Variants in AGMO observed in about 807,000 individuals in gnomAD.
AGMO encodes the protein glyceryl-ether monooxygenase.
Under a neutral mutation model 60.2 loss-of-function variants are expected in AGMO, and 75 were observed. The ratio of observed to expected loss-of-function variants is 1.25; its 90% CI spans 1.03 to 1.51. AGMO has a LOEUF of 1.51. AGMO is among the 40% of genes most tolerant of loss of function. The probability of loss-of-function intolerance (pLI) is 0.00; values close to 1 mark genes in which losing one functional copy is unlikely to be tolerated. For missense variants in AGMO, 763 were observed against 525.5 expected, an observed-to-expected ratio of 1.45 and a Z score of -4.42; for synonymous variants, 261 against 177.1, an observed-to-expected ratio of 1.47 and a Z score of -3.76.
chr7:15,369,880 G>A (rs780057196), intron 10 of AGMO, among the ~76,000 whole-genome samples: 5 of 151,966 alleles, frequency 3.3e-5, no homozygotes, highest in African/African-American at 1.2e-4. Context: ...ATGTTATTTT[G>A]GGAAAACTGA....
intron 10 of AGMO, 31 bp from the exon 11 acceptor site, chr7:15,366,253 C>T (rs1427928524): frequency 6.5e-6 from 10 of 1,534,252 alleles, no homozygotes; most frequent in Admixed American, 5.3e-5. Flanking sequence ...TCAATGGAGC[C>T]GTTAGAAGAA....
intron 12 of AGMO, among the ~76,000 whole-genome samples, chr7:15,350,350 T>G (rs1335684236): frequency 6.6e-6 from 1 of 152,134 alleles, no homozygotes; most frequent in Non-Finnish European, 1.5e-5. Flanking sequence ...AAGCATAAAT[T>G]GTATAAAAAA....
At chr7:15,525,302 C>G (rs1175551024) in intron 3 of AGMO, among the ~76,000 whole-genome samples, 1 of 152,126 alleles carries the variant, frequency 6.6e-6, no homozygotes, top group East Asian at 1.9e-4. Flanking sequence ...AAGTCACAAT[C>G]TTGGATAAAT....
At chr7:15,480,251 G>C (rs982159983) in intron 3 of AGMO, among the ~76,000 whole-genome samples, 1 of 152,144 alleles carries the variant, frequency 6.6e-6, no homozygotes, top group South Asian at 2.1e-4. Context: ...CTTCAGTTAC[G>C]TGGAAGAAAC....
intron 3 of AGMO, among the ~76,000 whole-genome samples, chr7:15,465,432 A>T (rs1782256246): frequency 3.3e-5 from 5 of 150,492 alleles, no homozygotes; most frequent in Admixed American, 1.3e-4. Context: ...CAAAGTTGTG[A>T]ATTTTTTTGA....
chr7:15,522,791 T>C (rs1784033559), intron 3 of AGMO, among the ~76,000 whole-genome samples: 1 of 151,468 alleles, frequency 6.6e-6, no homozygotes, highest in Admixed American at 6.6e-5. Context: ...CATGGGCAAA[T>C]ACTTCATGAC....
At chr7:15,250,870 G>A (rs914756098) in intron 12 of AGMO, among the ~76,000 whole-genome samples, 3 of 150,724 alleles carry the variant, frequency 2.0e-5, no homozygotes, top group South Asian at 2.1e-4. Context: ...GCTTGAACCC[G>A]GGAGGCAGAC....
chr7:15,125,791 T>C, the AGMO span, among the ~76,000 whole-genome samples: 2 of 152,094 alleles, frequency 1.3e-5, no homozygotes, highest in African/African-American at 4.8e-5. Flanking sequence ...AAAAATTAAA[T>C]AGACATGGGT....
chr7:15,455,081 T>TCTCA (rs905258683), intron 3 of AGMO, among the ~76,000 whole-genome samples: 3 of 146,114 alleles, frequency 2.1e-5, no homozygotes, highest in African/African-American at 7.6e-5. Flanking sequence ...TCTCTCTTTC[T>TCTCA]CACACACACA....
chr7:15,223,535 G>C (rs914924042), intron 12 of AGMO, among the ~76,000 whole-genome samples: 1 of 151,910 alleles, frequency 6.6e-6, no homozygotes, highest in Non-Finnish European at 1.5e-5. Context: ...CACATTTATA[G>C]AATATTAAAT....
chr7:15,523,174 A>G (rs1784046764), intron 3 of AGMO, among the ~76,000 whole-genome samples: 1 of 152,248 alleles, frequency 6.6e-6, no homozygotes, highest in Non-Finnish European at 1.5e-5. Context: ...AATGGCAATC[A>G]TTAAAAAACA....
intron 3 of AGMO, among the ~76,000 whole-genome samples, chr7:15,497,785 T>TA (rs1260102573): frequency 6.6e-6 from 1 of 152,068 alleles, no homozygotes; most frequent in African/African-American, 2.4e-5. Context: ...AAAATCAACA[T>TA]AAAAAAGCAT....
chr7:15,346,303 T>C (rs1052536051), intron 12 of AGMO, among the ~76,000 whole-genome samples: 3 of 152,108 alleles, frequency 2.0e-5, no homozygotes, highest in African/African-American at 7.2e-5. Flanking sequence ...TCACTCAAAT[T>C]CCATTGGGAA....
chr7:15,346,523 CCTT>C (rs1340109403), intron 12 of AGMO, among the ~76,000 whole-genome samples: 4 of 150,806 alleles, frequency 2.7e-5, no homozygotes, highest in African/African-American at 9.7e-5. Flanking sequence ...TTTCATTAAT[CCTT>C]CTTAAATAAT....
chr7:15,399,278 T>G (rs547431662), intron 5 of AGMO, among the ~76,000 whole-genome samples: 1 of 149,834 alleles, frequency 6.7e-6, no homozygotes, highest in South Asian at 2.1e-4. Context: ...GCACCTATGA[T>G]ATTTTTCTGG....
intron 12 of AGMO, among the ~76,000 whole-genome samples, chr7:15,334,250 T>C (rs1048053184): frequency 1.3e-5 from 2 of 151,260 alleles, no homozygotes; most frequent in African/African-American, 4.8e-5. Context: ...AAATCTGAAA[T>C]CTTTCTGAAG....
At chr7:15,160,346 A>C in the AGMO span, among the ~76,000 whole-genome samples, 267 of 152,298 alleles carry the variant, frequency 1.8e-3, 1 homozygote, top group Admixed American at 6.1e-3. Context: ...ATTTTATAGT[A>C]ACTTTGATAG....
intron 12 of AGMO, among the ~76,000 whole-genome samples, chr7:15,274,956 A>G (rs1393155938): frequency 6.6e-6 from 1 of 151,458 alleles, no homozygotes; most frequent in African/African-American, 2.4e-5. Context: ...TGAGCTCATT[A>G]GTGGCCTATC....
intron 12 of AGMO, among the ~76,000 whole-genome samples, chr7:15,240,370 T>A (rs920123182): frequency 6.6e-6 from 1 of 152,202 alleles, no homozygotes; most frequent in African/African-American, 2.4e-5. Context: ...TATGTGCTAA[T>A]TCTTAGTGAC....
Sources: gnomAD v4.1 joint callset for allele counts (sites outside exome capture counted in the v4.1 genomes callset) on GRCh38, gnomAD v4.1.1 for gene constraint, MANE v1.5 for transcripts, NCBI Gene and HGNC (gene_info 2026-07-23, HGNC 2026-07-21) for gene names.